The following RTCA variants were observed in gnomAD, a reference collection of about 807,000 sequenced individuals.
The protein encoded by RTCA is RNA 3'-terminal phosphate cyclase.
A neutral mutation model predicts 46.1 loss-of-function variants in RTCA; 37 were observed. The ratio of observed to expected loss-of-function variants is 0.80; its 90% confidence interval spans 0.62 to 1.06. RTCA has a LOEUF of 1.06. Ranked by LOEUF, RTCA falls within the 50% of genes least tolerant of loss-of-function variation. The pLI is 0.00. For missense variants in RTCA, 435 were observed against 455.5 expected (o/e 0.95, Z 0.41); for synonymous variants, 164 against 158.3 (o/e 1.04, Z -0.27).
chr1:100,276,844 G>A (rs1274081776), intron 7 of RTCA, among the ~76,000 whole-genome samples: 3 of 152,140 alleles, frequency 2.0e-5, no homozygotes, highest in Non-Finnish European at 4.4e-5. Context: ...TAAAGTAAAC[G>A]CTTGCTCTAC....
In RTCA at chr1:100,273,639, C is replaced by T. The variant is rs78233470; in HGVS notation, c.473+187C>T. On this transcript the variant is annotated intron_variant, in intron 5 of 10. Transcript: ENST00000370128. Reference sequence around the variant, plus strand: ...GCATGGGGACTCGAGAGCAGCTACACATCATGGTTATTTATTTCTAGGGAA... The same window carrying T: ...GCATGGGGACTCGAGAGCAGCTACATATCATGGTTATTTATTTCTAGGGAA... Among the ~76,000 whole-genome samples the T allele has an allele frequency of 1.9e-3, 295 of 152,284 alleles. 2 individuals are homozygous for T. The East Asian group carries it at 0.03, about 16-fold the overall frequency.
At chr1:100,266,441 C>G (rs1012600301) in intron 1 of RTCA, 21 bp downstream of exon 1, 1 of 1,609,334 alleles carries the variant, frequency 6.2e-7, no homozygotes, top group African/African-American at 1.3e-5. Flanking sequence ...AGCGAAGCGG[C>G]CGGGGCTGCA....
chr1:100,267,628 C>T, intron 2 of RTCA: 1 of 1,355,392 alleles, frequency 7.4e-7, no homozygotes, highest in Non-Finnish European at 9.7e-7. Flanking sequence ...TGTACCTTGC[C>T]CCTAGCGTCT....
At chr1:100,274,801 G>T (rs200905502) in intron 5 of RTCA, 23 bp from the exon 6 acceptor site, 4 of 1,591,454 alleles carry the variant, frequency 2.5e-6, no homozygotes, top group African/African-American at 1.3e-5. Flanking sequence ...AGTTTATGTG[G>T]GCATTTGTTA....
chr1:100,279,608 C>G (rs1042896628), intron 8 of RTCA, among the ~76,000 whole-genome samples: 17 of 151,292 alleles, frequency 1.1e-4, no homozygotes, highest in African/African-American at 3.9e-4. Flanking sequence ...GATTCCATCT[C>G]TTAAAATTTT....
chr1:100,266,644 G>T lies in RTCA; in HGVS notation c.146+20G>T, dbSNP rs1031674793. ...CCTGAGGTAAATCTGGCTGGAGGGGGAGTTGGGCCGTGAAGCTGGGGGATC... is the reference window on the plus strand; with the variant it reads ...CCTGAGGTAAATCTGGCTGGAGGGGTAGTTGGGCCGTGAAGCTGGGGGATC... On this transcript the variant is annotated intron_variant, in intron 2 of 10. Transcript: ENST00000370128. 4 of 1,587,642 alleles carry T rather than the reference G, an allele frequency of 2.5e-6. No individual in the cohort carries two copies. The African/African-American group carries it at 5.4e-5, about 21-fold the overall frequency.
intron 7 of RTCA, among the ~76,000 whole-genome samples, chr1:100,276,987 A>T (rs1666425947): frequency 6.6e-6 from 1 of 152,164 alleles, no homozygotes; most frequent in African/African-American, 2.4e-5. Context: ...TGCTAATGAC[A>T]TGTTAACTTG....
At chr1:100,266,964 T>A (rs189749932) in intron 2 of RTCA, 2 of 342,798 alleles carry the variant, frequency 5.8e-6, no homozygotes, top group African/African-American at 4.1e-5. Context: ...GCAGAAATGC[T>A]TGTGACGCCA....
rs140559030 is a variant in RTCA at position 100,291,810 on chromosome 1, C to A, written c.*306C>A. On this transcript the variant is annotated 3_prime_UTR_variant, in exon 11 of 11. Transcript: ENST00000370128. ...TTCTTTTTTATGTAATTAATTAAAT[C>A]AGGGATATAGATTTGATCTGTAATT... 815 of 174,816 alleles carry A rather than the reference C, an allele frequency of 4.7e-3. 5 individuals are homozygous for A. Among genetic ancestry groups the A allele is most frequent in the Non-Finnish European group, 8.2e-3 (684 of 83,632 alleles). 10.8% of individuals were successfully genotyped at this position (174,816 alleles called of 1,614,324 possible). A position where few individuals can be genotyped will look rare whatever the true frequency, so the allele number is the denominator to read the frequency against.
chr1:100,266,278 C>A lies in RTCA; in HGVS notation c.-98C>A. The A allele has an allele frequency of 4.7e-6, 7 of 1,484,204 alleles. No homozygotes were observed. The highest frequency in any genetic ancestry group is 6.4e-6 in the Non-Finnish European group (7 of 1,089,426). The allele number at this position is 1,484,204 out of a possible 1,614,324, so 91.9% of individuals were successfully genotyped here. A position where few individuals can be genotyped will look rare whatever the true frequency, so the allele number is the denominator to read the frequency against. On this transcript the variant is annotated 5_prime_UTR_variant, in exon 1 of 11. Coordinates refer to ENST00000370128, the MANE Select transcript of RTCA (RefSeq NM_003729.4). ...CAGGCTCCTGCGCCCCAGGCATGAA[C>A]CAAGGTTTCTGAACTACTGGGCGGG...
intron 7 of RTCA, 60 bp downstream of exon 7, chr1:100,275,783 A>G: frequency 7.0e-7 from 1 of 1,422,434 alleles, no homozygotes; most frequent in South Asian, 1.4e-5. Context: ...ATCTAATTAA[A>G]TTAAAGATTT....
chr1:100,276,581 G>A (rs1666396291), intron 7 of RTCA, among the ~76,000 whole-genome samples: 1 of 152,128 alleles, frequency 6.6e-6, no homozygotes, highest in East Asian at 1.9e-4. Flanking sequence ...GGAGGCTGAG[G>A]CAGGAGAATC....
rs1667407445 is a variant in RTCA, at chr1:100,292,504, T to C, written c.*1000T>C. On this transcript the variant is annotated 3_prime_UTR_variant, in exon 11 of 11. Transcript: ENST00000370128. ...TTTTAGTAGAGACGGGGTTTCACCA[T>C]GTTGGCTAGGATGGTCTCCATCTCC... 1 of 151,912 alleles carries C rather than the reference T, an allele frequency of 6.6e-6. No homozygotes were observed. The highest frequency in any genetic ancestry group is 1.5e-5 in the Non-Finnish European group (1 of 68,030). The allele number at this position is 151,912 out of a possible 1,614,324, so 9.4% of individuals were successfully genotyped here.
At chr1:100,267,745 C>T (rs1665870582) in intron 2 of RTCA, among the ~76,000 whole-genome samples, 1 of 151,554 alleles carries the variant, frequency 6.6e-6, no homozygotes, top group African/African-American at 2.4e-5. Context: ...CAAATATAGT[C>T]ACATTCTGAG....
chr1:100,271,810 G>A lies in RTCA; in HGVS notation c.414+1130G>A, dbSNP rs376539683. Among the ~76,000 whole-genome samples, 7 of 152,200 alleles carry A rather than the reference G, an allele frequency of 4.6e-5. No individual in the cohort carries two copies. In the East Asian group the frequency reaches 9.7e-4, roughly 21 times the overall value. On this transcript the variant is annotated intron_variant, in intron 4 of 10. Transcript: ENST00000370128. ...CACAATCAAGACATAGAATAGTTCC[G>A]TTACTCTAAAAAATTCCCTTATACG...
Position 100,285,556 on chromosome 1 carries a change from C to G in RTCA, c.894+234C>G, listed in dbSNP as rs576136553. Reference sequence around the variant, plus strand: ...CTTCCTTTTTGAAGTATTTTCTTTCCTTGGTTTCTGAAATACTGTTATCTT... The same window carrying G: ...CTTCCTTTTTGAAGTATTTTCTTTCGTTGGTTTCTGAAATACTGTTATCTT... On this transcript the variant is annotated intron_variant, in intron 9 of 10. Coordinates refer to ENST00000370128, the MANE Select transcript of RTCA (RefSeq NM_003729.4). Among the ~76,000 whole-genome samples the G allele has an allele frequency of 1.6e-4, 25 of 152,154 alleles. No individual in the cohort carries two copies. The South Asian group carries it at 3.5e-3, about 21-fold the overall frequency.
chr1:100,270,431 A>G, intron 3 of RTCA, 126 bp from the exon 4 acceptor site: 1 of 1,143,632 alleles, frequency 8.7e-7, no homozygotes, highest in South Asian at 1.6e-5. Flanking sequence ...TCAATGGCAT[A>G]TACCTGCCTT....
chr1:100,275,952 G>A (rs1666346539), intron 7 of RTCA, among the ~76,000 whole-genome samples: 1 of 151,712 alleles, frequency 6.6e-6, no homozygotes, highest in African/African-American at 2.4e-5. Context: ...TCTTCTGCCT[G>A]AGCCTCCTGA....
chr1:100,275,699 C>T lies in RTCA; in HGVS notation c.716C>T (p.Ala239Val), dbSNP rs749790498. The part of the protein sequence containing the change: ...IQPVQEPKDQ[A>V]FGNGNGIIII... ...CCTGTTCAAGAACCTAAAGACCAAG[C>T]ATTTGGCAATGGAAATGGAATAATG... The change falls in exon 7 of 11, where the codon GCA (alanine) becomes GTA (valine). Residue 239 changes from alanine (A) to valine (V), a missense_variant. Coordinates refer to ENST00000370128, the MANE Select transcript of RTCA (RefSeq NM_003729.4). 14 of 1,610,828 alleles carry T rather than the reference C, an allele frequency of 8.7e-6. No individual in the cohort carries two copies. In the South Asian group the frequency reaches 1.3e-4, roughly 15 times the overall value.
Sources: allele counts gnomAD v4.1 joint callset (sites outside exome capture counted in the v4.1 genomes callset), GRCh38; gene constraint gnomAD v4.1.1; transcripts MANE v1.5; gene names NCBI Gene and HGNC (gene_info 2026-07-23, HGNC 2026-07-21).